The following FRMD1 variants were observed in gnomAD, a reference collection of about 807,000 sequenced individuals.
The protein encoded by FRMD1 is FERM domain containing 1.
Under a neutral mutation model 54.9 loss-of-function variants are expected in FRMD1, and 51 were observed. The ratio of observed to expected loss-of-function variants is 0.93; its 90% CI spans 0.74 to 1.17. The LOEUF is 1.17. Among genes scored for constraint, FRMD1 ranks in the 50% most tolerant of loss-of-function variants. The pLI, the probability that FRMD1 is intolerant of heterozygous loss-of-function variation, is 0.00. For synonymous variants in FRMD1, 324 were observed against 306.4 expected (o/e 1.06, Z -0.60); for missense variants, 729 against 743.0 (o/e 0.98, Z 0.22).
At chr6:168,072,584 C>T (rs751361087) in intron 2 of FRMD1, among the ~76,000 whole-genome samples, 12 of 152,326 alleles carry the variant, frequency 7.9e-5, no homozygotes, top group African/African-American at 1.2e-4. Context: ...CCAAACACGG[C>T]GGCTCCAACA....
At chr6:168,092,476 G>A (rs115613476) in intron 1 of FRMD1, among the ~76,000 whole-genome samples, 1 of 151,598 alleles carries the variant, frequency 6.6e-6, no homozygotes, top group African/African-American at 2.4e-5. Context: ...GTATAAGAGA[G>A]ACCCTCCGCC....
At chr6:168,077,346 C>T (rs901429435) in intron 1 of FRMD1, among the ~76,000 whole-genome samples, 1 of 151,710 alleles carries the variant, frequency 6.6e-6, no homozygotes, top group African/African-American at 2.4e-5. Flanking sequence ...GGTTCCTGTC[C>T]AACTGCAGAC....
At chr6:168,067,605 G>A (rs1464910901) in intron 2 of FRMD1, 159 bp from the exon 3 acceptor site, 6 of 577,960 alleles carry the variant, frequency 1.0e-5, no homozygotes, top group Admixed American at 3.5e-5. Flanking sequence ...GGCTGACAAC[G>A]CAGAAAGCAT....
intron 1 of FRMD1, among the ~76,000 whole-genome samples, chr6:168,088,909 TG>T (rs1800968771): frequency 6.6e-6 from 1 of 152,200 alleles, no homozygotes; most frequent in South Asian, 2.1e-4. Flanking sequence ...CCCACCGGCC[TG>T]CCTGTCAACC....
chr6:168,081,500 C>G (rs554405210), upstream of FRMD1: 38 of 1,532,708 alleles, frequency 2.5e-5, no homozygotes, highest in Admixed American at 1.6e-4. Context: ...GAGTCCTCCT[C>G]GGCCCAACTC....
In FRMD1 at chr6:168,056,523, CAG is replaced by C. The variant is rs2114937280; in HGVS notation, c.*572_*573del. ...GGGTCTCTGGCTGGATCTCAGGTGA[CAG>C]AGCTGGGCTTGCACCACAAGAGGGG... is the stretch of plus-strand genomic sequence containing the variant. On this transcript the variant is annotated 3_prime_UTR_variant, in exon 11 of 11. Transcript: ENST00000283309. The C allele has an allele frequency of 6.6e-6, 1 of 152,420 alleles. No homozygotes were observed. Among genetic ancestry groups the C allele is most frequent in the Non-Finnish European group, 1.5e-5 (1 of 68,116 alleles). The allele number at this position is 152,420 out of a possible 1,614,324, so 9.4% of individuals were successfully genotyped here. A position where few individuals can be genotyped will look rare whatever the true frequency, so the allele number is the denominator to read the frequency against.
At position 168,059,149 on chromosome 6, in the gene FRMD1, C is replaced by A; in HGVS notation, c.1382G>T (p.Gly461Val). Reference sequence around the variant, plus strand: ...CTGGTGCACGGCCTCGGCGCTCTGGCCTCTGGTCCTGACCTGGGTGCAGGG... The same window carrying A: ...CTGGTGCACGGCCTCGGCGCTCTGGACTCTGGTCCTGACCTGGGTGCAGGG... The part of the protein sequence containing the change: ...QEPCTQVRTR[G>V]QSAEAVHQIQ... Residue 461 changes from glycine to valine, a missense_variant, in exon 10 of 11, where the codon GGC (glycine) becomes GTC (valine). Gly to Val is a moderately radical substitution (Grantham distance 109). Coordinates refer to ENST00000283309, the MANE Select transcript of FRMD1 (RefSeq NM_024919.6). The surrounding 1 kb of genome is among the most constrained non-coding windows in gnomAD (Gnocchi z 4.4). 6.3e-7 allele frequency: 1 copy of A among 1,584,464 alleles called. No homozygotes were observed. Among genetic ancestry groups the A allele is most frequent in the Non-Finnish European group, 8.6e-7 (1 of 1,169,190 alleles).
chr6:168,062,569 G>T lies in FRMD1; in HGVS notation c.870+325C>A, dbSNP rs919244810. The T allele has an allele frequency of 1.0e-5, 12 of 1,190,938 alleles. No individual in the cohort carries two copies. In the African/African-American group the frequency reaches 1.4e-4, roughly 14 times the overall value. 73.8% of individuals were successfully genotyped at this position (1,190,938 alleles called of 1,614,324 possible). A position where few individuals can be genotyped will look rare whatever the true frequency, so the allele number is the denominator to read the frequency against. ...TGCCCCCGAGAGGCCGGCAGGAAGGGACCTGCACCTCTTCGGGTGCAGAAT... is the reference window on the plus strand; with the variant it reads ...TGCCCCCGAGAGGCCGGCAGGAAGGTACCTGCACCTCTTCGGGTGCAGAAT... On this transcript the variant is annotated intron_variant, in intron 7 of 10. Transcript: ENST00000283309.
At position 168,063,631 on chromosome 6, in the gene FRMD1, G is replaced by A. The variant is rs766603344; in HGVS notation, c.774C>T (p.Asp258=). 60 of 1,613,130 alleles carry A rather than the reference G, an allele frequency of 3.7e-5. No homozygotes were observed. The highest frequency in any genetic ancestry group is 2.5e-4 in the South Asian group (23 of 91,010). ...GCAGCCTGAAGAAGTGCACGGGCAC[G>A]TCCTCCAGCCGGCAGGCCTCCTGGA... is the stretch of plus-strand genomic sequence containing the variant. ...CFIQEACRLE[D]VPVHFFRLHK... Residue 258 remains aspartate, a synonymous_variant, in exon 6 of 11, where the codon GAC becomes GAT. Coordinates refer to ENST00000283309, the MANE Select transcript of FRMD1 (RefSeq NM_024919.6).
rs1800532722 is a variant in FRMD1 at position 168,075,299 on chromosome 6, A to G, written c.250T>C (p.Cys84Arg). 1 of 1,613,528 alleles carries G rather than the reference A, an allele frequency of 6.2e-7. No individual in the cohort carries two copies. The highest frequency in any genetic ancestry group is 8.5e-7 in the Non-Finnish European group (1 of 1,180,004). Reference protein sequence around the residue: ...ATGRELFQQVCNVASIRDAQF... With the variant: ...ATGRELFQQVRNVASIRDAQF... ...GCGTCTCTGATGCTCGCCACGTTGCACACTTGCTGGAAAAGCTCGCGGCCA... is the reference window on the plus strand; with the variant it reads ...GCGTCTCTGATGCTCGCCACGTTGCGCACTTGCTGGAAAAGCTCGCGGCCA... The change falls in exon 2 of 11, where the codon TGC (cysteine) becomes CGC (arginine). Residue 84 changes from cysteine to arginine, a missense_variant. Coordinates refer to ENST00000283309, the MANE Select transcript of FRMD1 (RefSeq NM_024919.6).
At chr6:168,085,440 G>T (rs1800901123), upstream of FRMD1, among the ~76,000 whole-genome samples, 1 of 152,188 alleles carries the variant, frequency 6.6e-6, no homozygotes. Flanking sequence ...GGACAGCTGT[G>T]GGGGGCCTCT....
chr6:168,080,866 C>T (rs527374554), upstream of FRMD1, among the ~76,000 whole-genome samples: 1 of 150,282 alleles, frequency 6.7e-6, no homozygotes, highest in African/African-American at 2.5e-5. Flanking sequence ...CTGGTGTGTG[C>T]GGGTGCTGGT....
intron 7 of FRMD1, chr6:168,062,524 T>C: frequency 1.3e-6 from 1 of 795,340 alleles, no homozygotes; most frequent in East Asian, 2.7e-5. Context: ...ACAAAGCCCG[T>C]GAGGCCAGGA....
rs141924117 is a variant in FRMD1, at chr6:168,064,277, G to A, written c.649-521C>T. Among the ~76,000 whole-genome samples, 279 of 152,314 alleles carry A rather than the reference G, an allele frequency of 1.8e-3. 1 individual carries two copies. In the Middle Eastern group the frequency reaches 0.031, roughly 17 times the overall value. The stretch of plus-strand genomic sequence containing the variant: ...TGCACAGGATAGAGAGGTACACAGG[G>A]ATGAGCGGTCAAGGAGAGAAACCTT... On this transcript the variant is annotated intron_variant, in intron 5 of 10. Coordinates refer to ENST00000283309, the MANE Select transcript of FRMD1 (RefSeq NM_024919.6).
At chr6:168,064,518 A>G (rs1799924713) in intron 5 of FRMD1, among the ~76,000 whole-genome samples, 1 of 152,162 alleles carries the variant, frequency 6.6e-6, no homozygotes, top group Non-Finnish European at 1.5e-5. Context: ...GAGAAGCAGG[A>G]AGGTTCACAG....
intron 2 of FRMD1, among the ~76,000 whole-genome samples, chr6:168,068,431 T>C (rs558843554): frequency 7.2e-5 from 11 of 152,264 alleles, no homozygotes; most frequent in African/African-American, 2.6e-4. Flanking sequence ...TCCCCTCGGA[T>C]ATCAAAACCC....
rs780548423 is a variant in FRMD1 at position 168,061,908 on chromosome 6, C to T, written c.944G>A (p.Trp315Ter). Residue 315 changes from tryptophan to a stop codon, truncating the protein, a stop_gained, in exon 8 of 11, where the codon TGG (tryptophan) becomes TAG (stop). Coordinates refer to ENST00000283309, the MANE Select transcript of FRMD1 (RefSeq NM_024919.6). LOFTEE classifies it high-confidence loss of function. ...CAGGTGCAGCAGGTGCCTGGACCGC[C>T]AGGTGCACCCCGTGTAGTAAACCAG... is the stretch of plus-strand genomic sequence containing the variant. ...QKLVYYTGCTWRSRHLLHLLR... is the reference protein window; with the variant it reads ...QKLVYYTGCT The T allele has an allele frequency of 1.3e-6, 2 of 1,598,202 alleles. No individual in the cohort carries two copies. The highest frequency in any genetic ancestry group is 1.7e-5 in the Admixed American group (1 of 58,430).
intron 6 of FRMD1, among the ~76,000 whole-genome samples, chr6:168,063,199 A>AT (rs1799843286): frequency 6.6e-6 from 1 of 152,148 alleles, no homozygotes; most frequent in Non-Finnish European, 1.5e-5. Context: ...GAGCCTGGCC[A>AT]TGCCGGGCCC....
At chr6:168,070,502 A>G (rs1381360932) in intron 2 of FRMD1, among the ~76,000 whole-genome samples, 5 of 152,112 alleles carry the variant, frequency 3.3e-5, no homozygotes, top group African/African-American at 1.2e-4. Flanking sequence ...GGAAAGACTG[A>G]GGTCCCCTCT....
Sources: gnomAD v4.1 joint callset for allele counts (sites outside exome capture counted in the v4.1 genomes callset) on GRCh38, gnomAD v4.1.1 for gene constraint, Gnocchi (gnomAD v3.1) non-coding constraint, MANE v1.5 for transcripts, NCBI Gene and HGNC (gene_info 2026-07-23, HGNC 2026-07-21) for gene names.